The following HMCN1 variants were observed in gnomAD, a reference collection of about 807,000 sequenced individuals.
HMCN1 encodes the protein hemicentin-1.
HMCN1 carries 321 observed loss-of-function variants against 625.9 expected under a neutral mutation model. The observed-to-expected ratio is 0.51, with a 90% CI of 0.47 to 0.56. The LOEUF is 0.56. Ranked by LOEUF, HMCN1 falls within the 20% of genes least tolerant of loss-of-function variation. The probability of loss-of-function intolerance (pLI) is 0.00; values close to 1 mark genes in which losing one functional copy is unlikely to be tolerated. For missense variants in HMCN1, 6,588 were observed against 6,887.3 expected, an observed-to-expected ratio of 0.96 and a Z score of 1.54; for synonymous variants, 2,425 against 2,417.6, an observed-to-expected ratio of 1.00 and a Z score of -0.09.
At chr1:185,915,099 A>C (rs763793249) in intron 6 of HMCN1, among the ~76,000 whole-genome samples, 10 of 151,970 alleles carry the variant, frequency 6.6e-5, no homozygotes, top group Non-Finnish European at 1.2e-4. Flanking sequence ...ATCTTAGGGC[A>C]CTTTCACTAA....
chr1:185,762,988 A>G (rs1303666161), intron 1 of HMCN1, among the ~76,000 whole-genome samples: 5 of 152,182 alleles, frequency 3.3e-5, no homozygotes, highest in Non-Finnish European at 7.3e-5. Flanking sequence ...CAGCTATCAT[A>G]ACCCAAAGGT....
chr1:186,029,472 G>A (rs531233105), intron 36 of HMCN1, among the ~76,000 whole-genome samples: 180 of 151,506 alleles, frequency 1.2e-3, no homozygotes, highest in African/African-American at 4.2e-3. Context: ...ATCTTTCTAA[G>A]ATTGTTTTTG....
intron 1 of HMCN1, among the ~76,000 whole-genome samples, chr1:185,842,539 G>A (rs1661539050): frequency 6.6e-6 from 1 of 151,866 alleles, no homozygotes; most frequent in South Asian, 2.1e-4. Context: ...ACTGCAGCCT[G>A]GGCAACATAA....
intron 4 of HMCN1, among the ~76,000 whole-genome samples, chr1:185,869,309 G>A (rs1663462187): frequency 6.6e-6 from 1 of 152,132 alleles, no homozygotes; most frequent in South Asian, 2.1e-4. Flanking sequence ...TCTGTAAAAT[G>A]GAGATAATAG....
intron 14 of HMCN1, among the ~76,000 whole-genome samples, chr1:185,968,913 G>A (rs1215285785): frequency 1.3e-5 from 2 of 152,112 alleles, no homozygotes; most frequent in East Asian, 3.8e-4. Context: ...CTATCAAAAT[G>A]TGATTAAAAC....
At chr1:186,151,132 T>C in intron 93 of HMCN1, 68 bp from the exon 94 acceptor site, 1 of 1,510,892 alleles carries the variant, frequency 6.6e-7, no homozygotes, top group Non-Finnish European at 9.2e-7. Context: ...ATACTGGCCC[T>C]CTTTTCTCCC....
chr1:185,844,163 T>G (rs186740637), intron 1 of HMCN1, among the ~76,000 whole-genome samples: 1 of 152,368 alleles, frequency 6.6e-6, no homozygotes, highest in Admixed American at 6.5e-5. Context: ...GCATATTCTT[T>G]GCTGTTTTGC....
intron 99 of HMCN1, 62 bp from the exon 100 acceptor site, chr1:186,166,746 C>G (rs187462608): frequency 3.1e-6 from 5 of 1,611,372 alleles, no homozygotes; most frequent in Non-Finnish European, 3.4e-6. Flanking sequence ...CCTATTTCAC[C>G]GCAGGTTCTT....
At position 185,963,808 on chromosome 1, in the gene HMCN1, G is replaced by T. The variant is rs1254756892; in HGVS notation, c.2011G>T (p.Ala671Ser). 1 of 1,609,372 alleles carries T rather than the reference G, an allele frequency of 6.2e-7. No homozygotes were observed. The highest frequency in any genetic ancestry group is 8.5e-7 in the Non-Finnish European group (1 of 1,176,208). ...AGATGGTACCTTATTTATCAAAAAT[G>T]CAGCTCCCAAAGATGCAGGGATCTA... is the stretch of plus-strand genomic sequence containing the variant. ...TSDGTLFIKN[A>S]APKDAGIYGC... The change falls in exon 13 of 107, where the codon GCA becomes TCA. Residue 671 changes from alanine (A) to serine (S), a missense_variant. Physicochemically the swap from Ala to Ser is moderately conservative, Grantham distance 99. Coordinates refer to ENST00000271588, the MANE Select transcript of HMCN1 (RefSeq NM_031935.3).
chr1:185,937,997 G>A (rs888905794), intron 11 of HMCN1, among the ~76,000 whole-genome samples: 1 of 151,078 alleles, frequency 6.6e-6, no homozygotes, highest in Non-Finnish European at 1.5e-5. Context: ...GTGCAAATAT[G>A]TAATAGAGGC....
At chr1:186,093,979 G>A (rs1001523597) in intron 66 of HMCN1, among the ~76,000 whole-genome samples, 1 of 152,038 alleles carries the variant, frequency 6.6e-6, no homozygotes, top group Non-Finnish European at 1.5e-5. Flanking sequence ...GTAGGAAGAT[G>A]CCTACTATGA....
In HMCN1 at chr1:186,137,423, C is replaced by A. The variant is rs181957581; in HGVS notation, c.13583-75C>A. The A allele has an allele frequency of 3.4e-6, 5 of 1,474,348 alleles. No individual in the cohort carries two copies. In the East Asian group the frequency reaches 1.2e-4, roughly 35 times the overall value. The allele number at this position is 1,474,348 out of a possible 1,614,324, so 91.3% of individuals were successfully genotyped here. ...TATATATTTAGCTCTGTAACCCGTGCATATCTTAAATGAAATCTCCTTTAC... is the reference window on the plus strand; with the variant it reads ...TATATATTTAGCTCTGTAACCCGTGAATATCTTAAATGAAATCTCCTTTAC... On this transcript the variant is annotated intron_variant, in intron 87 of 106. Coordinates refer to ENST00000271588, the MANE Select transcript of HMCN1 (RefSeq NM_031935.3).
chr1:185,992,954 C>T (rs1558125001), intron 22 of HMCN1, among the ~76,000 whole-genome samples: 1 of 151,956 alleles, frequency 6.6e-6, no homozygotes. Flanking sequence ...GAATTTCAGA[C>T]CATTAAGATT....
At chr1:186,045,331 G>A (rs1047931528) in intron 40 of HMCN1, among the ~76,000 whole-genome samples, 9 of 152,174 alleles carry the variant, frequency 5.9e-5, no homozygotes, top group East Asian at 1.9e-4. Flanking sequence ...TATTGAATGC[G>A]TATTCACTCT....
chr1:186,084,207 T>G (rs1190023568), intron 57 of HMCN1, among the ~76,000 whole-genome samples: 1 of 152,174 alleles, frequency 6.6e-6, no homozygotes, highest in Non-Finnish European at 1.5e-5. Context: ...GATGGCCATA[T>G]CTTACTTATC....
At chr1:186,088,310 G>A in intron 62 of HMCN1, 34 bp downstream of exon 62, 6 of 1,609,054 alleles carry the variant, frequency 3.7e-6, no homozygotes, top group Non-Finnish European at 5.1e-6. Context: ...GTGTGTGTGT[G>A]TTTTTTTCTC....
intron 1 of HMCN1, among the ~76,000 whole-genome samples, chr1:185,762,873 A>AT (rs959919390): frequency 1.3e-5 from 2 of 151,982 alleles, no homozygotes; most frequent in African/African-American, 2.4e-5. Flanking sequence ...TTTTAAAGGA[A>AT]TTTTTTTTCT....
intron 30 of HMCN1, among the ~76,000 whole-genome samples, chr1:186,008,649 G>A (rs1329595533): frequency 6.6e-6 from 1 of 151,990 alleles, no homozygotes; most frequent in East Asian, 1.9e-4. Flanking sequence ...TAAACCCTCT[G>A]GGCTTCAGTT....
intron 100 of HMCN1, among the ~76,000 whole-genome samples, chr1:186,171,037 G>A (rs1264069834): frequency 6.6e-6 from 1 of 152,192 alleles, no homozygotes; most frequent in Non-Finnish European, 1.5e-5. Flanking sequence ...TTCCAGGACT[G>A]GAACTTCCGA....
Sources: allele counts gnomAD v4.1 joint callset (sites outside exome capture counted in the v4.1 genomes callset), GRCh38; gene constraint gnomAD v4.1.1; transcripts MANE v1.5; gene names NCBI Gene and HGNC (gene_info 2026-07-23, HGNC 2026-07-21).